CCDC7: variants seen among roughly 807,000 people sequenced by gnomAD.
The protein encoded by CCDC7 is coiled-coil domain-containing protein 7.
A neutral mutation model predicts 196.9 loss-of-function variants in CCDC7; 183 were observed. The observed-to-expected ratio is 0.93, with a 90% CI of 0.82 to 1.05. The LOEUF (loss-of-function observed/expected upper bound fraction) is 1.05. Among genes scored for constraint, CCDC7 ranks in the 50% least tolerant of loss-of-function variants. The pLI, the probability that CCDC7 is intolerant of heterozygous loss-of-function variation, is 0.00. For missense variants in CCDC7, 1,540 were observed against 1,482.2 expected (o/e 1.04, Z -0.64); for synonymous variants, 525 against 484.6 (o/e 1.08, Z -1.10).
intron 25 of CCDC7, among the ~76,000 whole-genome samples, chr10:32,721,006 T>C (rs2142129612): frequency 6.6e-6 from 1 of 152,108 alleles, no homozygotes; most frequent in East Asian, 1.9e-4. Flanking sequence ...AAATGGAGGA[T>C]AGCTTGAGCC....
At chr10:32,512,037 C>T in intron 9 of CCDC7, 1 of 346,912 alleles carries the variant, frequency 2.9e-6, no homozygotes, top group Non-Finnish European at 5.3e-6. Flanking sequence ...CTTGTCAGTG[C>T]ATTGTCTAGC....
intron 1 of CCDC7, 87 bp downstream of exon 2, chr10:32,452,008 C>T: frequency 2.1e-6 from 3 of 1,447,816 alleles, no homozygotes; most frequent in African/African-American, 1.4e-5. Flanking sequence ...CATGACTCCA[C>T]ATATAGTCAT....
At chr10:32,582,944 A>T in intron 16 of CCDC7, 90 bp from the exon 18 acceptor site, 1 of 745,008 alleles carries the variant, frequency 1.3e-6, no homozygotes, top group Non-Finnish European at 1.8e-6. Context: ...TTACTTATTT[A>T]ATATCCTTAT....
At chr10:32,516,478 G>A (rs150351892) in intron 9 of CCDC7, among the ~76,000 whole-genome samples, 1 of 152,004 alleles carries the variant, frequency 6.6e-6, no homozygotes, top group Non-Finnish European at 1.5e-5. Context: ...CGTAGAGATG[G>A]GGTTTCACCA....
rs962272799 is a variant in CCDC7, at chr10:32,706,803, G to A, written c.2459-4817G>A. ...TGAATCCCTGAATAGTCCAATAACA[G>A]GCTCTGAAATAGAGGCAATAATTAA... On this transcript the variant is annotated intron_variant, in intron 24 of 41. Transcript: ENST00000639629. 7.2e-5 allele frequency among the ~76,000 whole-genome samples: 11 copies of A among 152,260 alleles called. No individual in the cohort carries two copies. In the South Asian group the frequency reaches 1.9e-3, roughly 26 times the overall value.
chr10:32,737,268 G>A (rs776531256), intron 28 of CCDC7, among the ~76,000 whole-genome samples: 1 of 152,086 alleles, frequency 6.6e-6, no homozygotes, highest in Non-Finnish European at 1.5e-5. Flanking sequence ...CTAACAATTT[G>A]TTGAGGATTT....
intron 21 of CCDC7, among the ~76,000 whole-genome samples, chr10:32,674,805 C>T (rs963110672): frequency 2.0e-5 from 3 of 151,964 alleles, no homozygotes; most frequent in Non-Finnish European, 4.4e-5. Context: ...CTTGCTCTGT[C>T]GCCCATTTTA....
chr10:32,866,571 A>G (rs1479237702), intron 41 of CCDC7, among the ~76,000 whole-genome samples: 1 of 151,762 alleles, frequency 6.6e-6, no homozygotes, highest in Non-Finnish European at 1.5e-5. Context: ...AGTTGAACAA[A>G]ATAAAATCTA....
intron 11 of CCDC7, 53 bp downstream of exon 12, chr10:32,518,558 T>C (rs898947043): frequency 2.2e-6 from 3 of 1,393,446 alleles, no homozygotes; most frequent in Non-Finnish European, 2.9e-6. Flanking sequence ...AGGCTTATTA[T>C]GTTAGGATAG....
At chr10:32,610,892 T>C (rs533260529) in intron 18 of CCDC7, among the ~76,000 whole-genome samples, 12 of 152,362 alleles carry the variant, frequency 7.9e-5, no homozygotes, top group Admixed American at 3.3e-4. Flanking sequence ...TATGTGTGCA[T>C]GCGTCTTTAT....
intron 28 of CCDC7, among the ~76,000 whole-genome samples, chr10:32,768,813 A>C (rs2504342): frequency 0.92 from 140,481 of 152,220 alleles, 65,827 homozygotes; most frequent in East Asian, 1. Context: ...TGTGTTGAAT[A>C]ACATTTATTT....
At chr10:32,509,897 A>T (rs1454834931) in intron 9 of CCDC7, among the ~76,000 whole-genome samples, 2 of 152,234 alleles carry the variant, frequency 1.3e-5, no homozygotes, top group Non-Finnish European at 2.9e-5. Flanking sequence ...ATTATTAGCA[A>T]GGATTTGGAG....
At chr10:32,733,068 C>T (rs938283442) in intron 28 of CCDC7, among the ~76,000 whole-genome samples, 3 of 151,870 alleles carry the variant, frequency 2.0e-5, no homozygotes, top group African/African-American at 7.3e-5. Flanking sequence ...TATTTCTTGC[C>T]TGATCTGTTT....
intron 24 of CCDC7, among the ~76,000 whole-genome samples, chr10:32,702,848 T>G (rs2266060): frequency 0.34 from 52,144 of 152,148 alleles, 11,331 homozygotes; most frequent in Non-Finnish European, 0.49. Context: ...CTCTGCCTTT[T>G]TTTGTTTTCC....
chr10:32,543,334 C>T, exon 12 of CCDC7: 1 of 1,462,974 alleles, frequency 6.8e-7, no homozygotes, highest in Non-Finnish European at 9.2e-7. Flanking sequence ...ACAAAGAAAG[C>T]TGTGAAAACA....
At chr10:32,658,062 A>C (rs1457069278) in intron 20 of CCDC7, among the ~76,000 whole-genome samples, 1 of 152,184 alleles carries the variant, frequency 6.6e-6, no homozygotes, top group Non-Finnish European at 1.5e-5. Context: ...TATCACTATC[A>C]GCATTTTGGC....
chr10:32,449,759 T>G (rs3006707), upstream of CCDC7, among the ~76,000 whole-genome samples: 21,025 of 152,140 alleles, frequency 0.14, 1,761 homozygotes, highest in East Asian at 0.26. Flanking sequence ...ATGGTAGAAT[T>G]AGGAGGTGGG....
intron 11 of CCDC7, among the ~76,000 whole-genome samples, chr10:32,526,782 T>C (rs117987850): frequency 6.6e-6 from 1 of 152,280 alleles, no homozygotes; most frequent in East Asian, 1.9e-4. Context: ...GTATCCAAGA[T>C]GCAAGACAAA....
At chr10:32,653,406 G>T (rs1157676829) in intron 20 of CCDC7, among the ~76,000 whole-genome samples, 1 of 149,792 alleles carries the variant, frequency 6.7e-6, no homozygotes, top group Non-Finnish European at 1.5e-5. Context: ...CAAGAAGAAA[G>T]ATTTTTCTAC....
Sources: gnomAD v4.1 joint callset for allele counts (sites outside exome capture counted in the v4.1 genomes callset) on GRCh38, gnomAD v4.1.1 for gene constraint, MANE v1.5 for transcripts, NCBI Gene and HGNC (gene_info 2026-07-23, HGNC 2026-07-21) for gene names.